The following GLMN variants were observed in gnomAD, a reference collection of about 807,000 sequenced individuals.
The protein encoded by GLMN is glomulin, FKBP associated protein.
Under a neutral mutation model 87.8 loss-of-function variants are expected in GLMN, and 75 were observed. The ratio of observed to expected loss-of-function variants is 0.85; its 90% CI spans 0.71 to 1.04. The LOEUF (loss-of-function observed/expected upper bound fraction) is 1.04. Among genes scored for constraint, GLMN ranks in the 50% least tolerant of loss-of-function variants. GLMN has a pLI of 0.00. For missense variants in GLMN, 588 were observed against 658.8 expected, an observed-to-expected ratio of 0.89 and a Z score of 1.18; for synonymous variants, 206 against 221.6, an observed-to-expected ratio of 0.93 and a Z score of 0.63.
At chr1:92,261,728 T>C (rs1655064158) in intron 16 of GLMN, among the ~76,000 whole-genome samples, 1 of 152,204 alleles carries the variant, frequency 6.6e-6, no homozygotes, top group African/African-American at 2.4e-5. Context: ...CAGACAAATA[T>C]TTAATCAATG....
intron 7 of GLMN, among the ~76,000 whole-genome samples, chr1:92,279,889 A>AGCTAGAC (rs1647786448): frequency 6.6e-6 from 1 of 152,120 alleles, no homozygotes; most frequent in Admixed American, 6.5e-5. Flanking sequence ...GCGAGGCTGC[A>AGCTAGAC]GCTAGACGGG....
At chr1:92,355,608 T>A in the GLMN span, among the ~76,000 whole-genome samples, 1 of 152,138 alleles carries the variant, frequency 6.6e-6, no homozygotes, top group African/African-American at 2.4e-5. Context: ...GATTTCAGAG[T>A]ACTCATTTAA....
At chr1:92,312,039 G>A in the GLMN span, among the ~76,000 whole-genome samples, 8 of 152,122 alleles carry the variant, frequency 5.3e-5, no homozygotes, top group Non-Finnish European at 8.8e-5. Flanking sequence ...TGCACTGATC[G>A]ACTTCCTTTC....
intron 7 of GLMN, among the ~76,000 whole-genome samples, chr1:92,277,847 G>A (rs1314549000): frequency 6.6e-6 from 1 of 152,094 alleles, no homozygotes; most frequent in African/African-American, 2.4e-5. Context: ...GCAGTGCCCT[G>A]AGTTCTGTAA....
chr1:92,304,173 C>A, the GLMN span: 1 of 1,157,946 alleles, frequency 8.6e-7, no homozygotes, highest in Non-Finnish European at 1.3e-6. Context: ...AGGTCATGAA[C>A]TAAAGGCATG....
upstream of GLMN, among the ~76,000 whole-genome samples, chr1:92,299,544 C>T (rs556546774): frequency 6.0e-4 from 91 of 152,200 alleles, no homozygotes; most frequent in Admixed American, 2.2e-3. Flanking sequence ...TGCCGGACTC[C>T]CCTCTTCCCC....
At chr1:92,266,153 A>C (rs963762707) in intron 13 of GLMN, among the ~76,000 whole-genome samples, 5 of 152,212 alleles carry the variant, frequency 3.3e-5, no homozygotes, top group African/African-American at 7.2e-5. Context: ...ATTATTTTTA[A>C]GTCTATTTCA....
At chr1:92,309,613 A>G in the GLMN span, among the ~76,000 whole-genome samples, 7 of 151,948 alleles carry the variant, frequency 4.6e-5, no homozygotes, top group African/African-American at 1.7e-4. Flanking sequence ...ACACATACAC[A>G]TACACATACA....
chr1:92,279,897 G>T (rs1389481436), intron 7 of GLMN, among the ~76,000 whole-genome samples: 2 of 152,046 alleles, frequency 1.3e-5, no homozygotes, highest in African/African-American at 4.8e-5. Flanking sequence ...GCAGCTAGAC[G>T]GGAAGGGGTG....
chr1:92,334,861 G>A, the GLMN span, among the ~76,000 whole-genome samples: 1 of 152,100 alleles, frequency 6.6e-6, no homozygotes, highest in African/African-American at 2.4e-5. Context: ...GGTGGCGGAT[G>A]CCTGTAGTCC....
At chr1:92,320,611 T>G in the GLMN span, 4 of 1,611,494 alleles carry the variant, frequency 2.5e-6, no homozygotes, top group Admixed American at 6.7e-5. Flanking sequence ...ATCCTGATTT[T>G]CAACTGCTAA....
At position 92,290,235 on chromosome 1, in the gene GLMN, G is replaced by A; in HGVS notation, c.357C>T (p.Ser119=). 6.2e-7 allele frequency: 1 copy of A among 1,607,836 alleles called. No individual in the cohort carries two copies. Among genetic ancestry groups the A allele is most frequent in the Non-Finnish European group, 8.5e-7 (1 of 1,174,572 alleles). Residue 119 remains serine (S), a synonymous_variant, in exon 5 of 19, where the codon TCC becomes TCT. Coordinates refer to ENST00000370360, the MANE Select transcript of GLMN (RefSeq NM_053274.3). ...LIEEPSGKQI[S]QSILLLLQPL... ...GCTGAAGCAAAAGAAGAATACTTTGGGATATCTGTTTTCCAGAGGGCTCTT... is the reference window on the plus strand; with the variant it reads ...GCTGAAGCAAAAGAAGAATACTTTGAGATATCTGTTTTCCAGAGGGCTCTT...
At chr1:92,305,419 T>C in the GLMN span, among the ~76,000 whole-genome samples, 1 of 57,340 alleles carries the variant, frequency 1.7e-5, no homozygotes, top group Middle Eastern at 0.011. Context: ...GGCAACAGAG[T>C]GAGGCTCCGT....
At position 92,259,494 on chromosome 1, in the gene GLMN, A is replaced by G. The variant is rs79548592; in HGVS notation, c.1473+3369T>C. Among the ~76,000 whole-genome samples the G allele has an allele frequency of 1.6e-3, 238 of 152,238 alleles. 4 individuals carry two copies. In the East Asian group the frequency reaches 0.038, roughly 24 times the overall value. The stretch of plus-strand genomic sequence containing the variant: ...GTTGACAGTAACCCAAAATAGCAAG[A>G]AAAGAAATGGATTATTACTCAATTA... On this transcript the variant is annotated intron_variant, in intron 16 of 18. Transcript: ENST00000370360.
the GLMN span, chr1:92,323,806 A>C: frequency 6.2e-7 from 1 of 1,614,120 alleles, no homozygotes; most frequent in Non-Finnish European, 8.5e-7. Flanking sequence ...ACAGAAAGTA[A>C]ATACTCAGAG....
At chr1:92,313,093 C>G in the GLMN span, among the ~76,000 whole-genome samples, 4 of 152,206 alleles carry the variant, frequency 2.6e-5, no homozygotes, top group African/African-American at 9.6e-5. Context: ...TCTCGAACTC[C>G]TGGCCCCAAG....
chr1:92,297,464 T>G lies in GLMN; in HGVS notation c.105A>C (p.Arg35Ser). ...GGTCTGTGTGCCCTTCTTCTATGCA[T>G]CTTTGCCCAGCTAACTGAAATAGGC... ...DFGLFQLAGQRCIEEGHTDQL... is the reference protein window; with the variant it reads ...DFGLFQLAGQSCIEEGHTDQL... The change falls in exon 3 of 19, where the codon AGA becomes AGC. Residue 35 changes from arginine to serine, a missense_variant. By Grantham distance (110) the Arg-to-Ser change is moderately radical. Transcript: ENST00000370360. 1.2e-6 allele frequency: 2 copies of G among 1,612,190 alleles called. No homozygotes were observed. Among genetic ancestry groups the G allele is most frequent in the Non-Finnish European group, 1.7e-6 (2 of 1,179,018 alleles).
chr1:92,321,042 A>G, the GLMN span, among the ~76,000 whole-genome samples: 1 of 152,250 alleles, frequency 6.6e-6, no homozygotes, highest in African/African-American at 2.4e-5. Context: ...AAGCATTAAT[A>G]TAAATTCCAA....
chr1:92,344,738 C>T, the GLMN span, among the ~76,000 whole-genome samples: 4 of 152,170 alleles, frequency 2.6e-5, no homozygotes, highest in Non-Finnish European at 5.9e-5. Context: ...TTCCCATCCT[C>T]ACCAACCCTT....
Sources: gnomAD v4.1 joint callset for allele counts (sites outside exome capture counted in the v4.1 genomes callset) on GRCh38, gnomAD v4.1.1 for gene constraint, MANE v1.5 for transcripts, NCBI Gene and HGNC (gene_info 2026-07-23, HGNC 2026-07-21) for gene names.